SLCO1C1: variants seen among roughly 807,000 people sequenced by gnomAD.
The protein encoded by SLCO1C1 is OAT-RP-5.
In SLCO1C1, 70 loss-of-function variants were observed where a neutral mutation model predicts 76.4. That is an observed-to-expected ratio of 0.92 (90% CI 0.76 to 1.12). SLCO1C1 has a LOEUF of 1.12. Among genes scored for constraint, SLCO1C1 ranks in the 50% most tolerant of loss-of-function variants. SLCO1C1 has a pLI of 0.00. For synonymous variants in SLCO1C1, 306 were observed against 286.1 expected, an observed-to-expected ratio of 1.07 and a Z score of -0.70; for missense variants, 912 against 823.8, an observed-to-expected ratio of 1.11 and a Z score of -1.31.
intron 7 of SLCO1C1, among the ~76,000 whole-genome samples, chr12:20,718,969 AT>A (rs1364730290): frequency 2.0e-5 from 3 of 152,060 alleles, no homozygotes; most frequent in Admixed American, 2.0e-4. Flanking sequence ...GATACTATAT[AT>A]TTTTTAAATT....
intron 14 of SLCO1C1, among the ~76,000 whole-genome samples, chr12:20,751,230 C>A (rs939123524): frequency 1.3e-5 from 2 of 152,048 alleles, no homozygotes; most frequent in African/African-American, 4.8e-5. Context: ...CTAAATCTGT[C>A]CGGCTTTTAT....
intron 1 of SLCO1C1, among the ~76,000 whole-genome samples, chr12:20,698,414 A>C (rs955904546): frequency 3.3e-5 from 5 of 151,996 alleles, no homozygotes; most frequent in Non-Finnish European, 7.4e-5. Flanking sequence ...GAATCCACTT[A>C]ATTTTTAAAT....
At chr12:20,725,911 C>A (rs1245777173) in intron 9 of SLCO1C1, among the ~76,000 whole-genome samples, 4 of 151,988 alleles carry the variant, frequency 2.6e-5, no homozygotes, top group Admixed American at 6.6e-5. Context: ...TTCAAAGTTT[C>A]TGACATGTCA....
intron 5 of SLCO1C1, among the ~76,000 whole-genome samples, chr12:20,712,063 C>T (rs1416814938): frequency 2.0e-5 from 3 of 152,178 alleles, no homozygotes; most frequent in African/African-American, 4.8e-5. Flanking sequence ...CCCGTGGTCA[C>T]ACTGTTTGGT....
At chr12:20,718,714 C>T (rs1947504309) in intron 7 of SLCO1C1, among the ~76,000 whole-genome samples, 2 of 152,062 alleles carry the variant, frequency 1.3e-5, no homozygotes, top group Non-Finnish European at 1.5e-5. Flanking sequence ...ATAGAGGAGT[C>T]GCCACATGAG....
chr12:20,707,180 TTCTGCCTG>T (rs1235242803), intron 4 of SLCO1C1, among the ~76,000 whole-genome samples: 5 of 152,108 alleles, frequency 3.3e-5, no homozygotes, highest in African/African-American at 9.7e-5. Context: ...GTTTGGGCAC[TTCTGCCTG>T]CTCTTTGGAC....
intron 10 of SLCO1C1, among the ~76,000 whole-genome samples, chr12:20,735,134 C>A (rs934408069): frequency 6.6e-6 from 1 of 152,104 alleles, no homozygotes; most frequent in African/African-American, 2.4e-5. Context: ...AAGTATTTTT[C>A]TTTATAAAAT....
intron 13 of SLCO1C1, among the ~76,000 whole-genome samples, chr12:20,744,386 C>G (rs938586985): frequency 2.0e-5 from 3 of 151,842 alleles, no homozygotes; most frequent in Non-Finnish European, 4.4e-5. Context: ...GTATCATAAG[C>G]AAAGTCAAAT....
At chr12:20,728,809 C>T (rs1255562514) in intron 9 of SLCO1C1, among the ~76,000 whole-genome samples, 1 of 151,934 alleles carries the variant, frequency 6.6e-6, no homozygotes, top group Non-Finnish European at 1.5e-5. Context: ...CTCCTTTTTA[C>T]ATCAGTATCA....
intron 9 of SLCO1C1, among the ~76,000 whole-genome samples, chr12:20,723,893 C>T (rs1947802370): frequency 6.6e-6 from 1 of 151,900 alleles, no homozygotes; most frequent in African/African-American, 2.4e-5. Context: ...GGACATATTC[C>T]TTTATGATAG....
chr12:20,740,373 G>A lies in SLCO1C1; in HGVS notation c.1733+5G>A, dbSNP rs1186587260. On this transcript the variant is annotated splice_donor_5th_base_variant and intron_variant, in intron 12 of 14. Transcript: ENST00000266509. ...TGGATACATATTACTTCTGAGGTGA[G>A]TACTGATTCTCCCTATTCTAATTTT... 1.9e-6 allele frequency: 3 copies of A among 1,602,684 alleles called. No homozygotes were observed. The highest frequency in any genetic ancestry group is 2.6e-6 in the Non-Finnish European group (3 of 1,175,768).
chr12:20,752,601 G>A lies in SLCO1C1; in HGVS notation c.*73G>A. 1 of 1,283,358 alleles carries A rather than the reference G, an allele frequency of 7.8e-7. No individual in the cohort carries two copies. Among genetic ancestry groups the A allele is most frequent in the Non-Finnish European group, 1.1e-6 (1 of 947,204 alleles). 79.5% of individuals were successfully genotyped at this position (1,283,358 alleles called of 1,614,324 possible). ...AAACAAATAAATTGTAATCAAAAGAGCTCTAAATTTGTAATTTCTTTCTCC... is the reference window on the plus strand; with the variant it reads ...AAACAAATAAATTGTAATCAAAAGAACTCTAAATTTGTAATTTCTTTCTCC... On this transcript the variant is annotated 3_prime_UTR_variant, in exon 15 of 15. Coordinates refer to ENST00000266509, the MANE Select transcript of SLCO1C1 (RefSeq NM_017435.5).
Position 20,733,005 on chromosome 12 carries a change from A to G in SLCO1C1, c.1283A>G (p.Tyr428Cys). 3.7e-6 allele frequency: 6 copies of G among 1,613,768 alleles called. No individual in the cohort carries two copies. Among genetic ancestry groups the G allele is most frequent in the Non-Finnish European group, 5.1e-6 (6 of 1,179,880 alleles). The change falls in exon 10 of 15, where the codon TAC (tyrosine) becomes TGC (cysteine). Residue 428 changes from tyrosine to cysteine, a missense_variant. Transcript: ENST00000266509. ...AGTGTGTGTGGAGCTGCAAAACTCTACTTGGGATCATCTGTCTTTGGTTAC... is the reference window on the plus strand; with the variant it reads ...AGTGTGTGTGGAGCTGCAAAACTCTGCTTGGGATCATCTGTCTTTGGTTAC... Reference protein sequence around the residue: ...RISVCGAAKLYLGSSVFGYLL... With the variant: ...RISVCGAAKLCLGSSVFGYLL...
chr12:20,712,622 C>G (rs566314485), intron 5 of SLCO1C1, among the ~76,000 whole-genome samples: 3 of 152,126 alleles, frequency 2.0e-5, no homozygotes, highest in African/African-American at 7.2e-5. Flanking sequence ...AGAATGGAAG[C>G]CTTTCTAAAA....
chr12:20,700,532 T>C (rs1946471929), intron 2 of SLCO1C1, among the ~76,000 whole-genome samples: 1 of 151,910 alleles, frequency 6.6e-6, no homozygotes, highest in Admixed American at 6.6e-5. Flanking sequence ...ATGTGCCATG[T>C]TGGTGTGCTG....
At chr12:20,734,710 TA>T (rs1196550345) in intron 10 of SLCO1C1, among the ~76,000 whole-genome samples, 5 of 152,164 alleles carry the variant, frequency 3.3e-5, no homozygotes, top group African/African-American at 1.2e-4. Flanking sequence ...AGATTCCCAT[TA>T]AAAGTATTCC....
intron 6 of SLCO1C1, 136 bp downstream of exon 6, chr12:20,715,421 C>T: frequency 1.0e-6 from 1 of 956,972 alleles, no homozygotes; most frequent in South Asian, 1.8e-5. Context: ...TCACACATTT[C>T]TGAAGTGCAC....
intron 5 of SLCO1C1, among the ~76,000 whole-genome samples, chr12:20,714,133 C>CT (rs1379533021): frequency 6.6e-6 from 1 of 152,184 alleles, no homozygotes; most frequent in African/African-American, 2.4e-5. Context: ...GTTATGCAGT[C>CT]TGATTCACTT....
chr12:20,720,127 GA>G (rs1947583889), intron 7 of SLCO1C1, among the ~76,000 whole-genome samples: 1 of 152,136 alleles, frequency 6.6e-6, no homozygotes, highest in Non-Finnish European at 1.5e-5. Flanking sequence ...TATGCTGAAT[GA>G]CAGCACATCT....
Sources: allele counts gnomAD v4.1 joint callset (sites outside exome capture counted in the v4.1 genomes callset), GRCh38; gene constraint gnomAD v4.1.1; transcripts MANE v1.5; gene names NCBI Gene and HGNC (gene_info 2026-07-23, HGNC 2026-07-21).